Variants in ACTR1B observed in about 807,000 individuals in gnomAD.
ACTR1B encodes the protein actin related protein 1B.
Under a neutral mutation model 49.4 loss-of-function variants are expected in ACTR1B, and 34 were observed. The ratio of observed to expected loss-of-function variants is 0.69; its 90% CI spans 0.52 to 0.92. The LOEUF (loss-of-function observed/expected upper bound fraction) is 0.92, where lower values mean the gene tolerates loss of function less well. Among genes scored for constraint, ACTR1B ranks in the 40% least tolerant of loss-of-function variants. ACTR1B has a pLI of 0.00. For synonymous variants in ACTR1B, 207 were observed against 207.8 expected (o/e 1.00, Z 0.03); for missense variants, 471 against 522.4 (o/e 0.90, Z 0.96).
intron 8 of ACTR1B, among the ~76,000 whole-genome samples, 189 bp downstream of exon 8, chr2:97,657,754 C>T (rs1305541909): frequency 6.6e-6 from 1 of 152,216 alleles, no homozygotes; most frequent in East Asian, 1.9e-4. Flanking sequence ...CACTTTAGAG[C>T]TTGTGTAAAC....
Position 97,664,034 on chromosome 2 carries a change from C to A in ACTR1B, c.-144G>T, listed in dbSNP as rs534336795. The A allele has an allele frequency of 2.7e-4, 102 of 375,730 alleles. No individual in the cohort carries two copies. Among genetic ancestry groups the A allele is most frequent in the African/African-American group, 1.6e-3 (72 of 46,054 alleles). The allele number at this position is 375,730 out of a possible 1,614,324, so 23.3% of individuals were successfully genotyped here. A position where few individuals can be genotyped will look rare whatever the true frequency, so the allele number is the denominator to read the frequency against. ...GAGCCTGCAGCCTACGCGAGCCCCG[C>A]GGGGCTTTCTGGAGGGCGGGCCCGG... On this transcript the variant is annotated 5_prime_UTR_variant, in exon 1 of 11. Coordinates refer to ENST00000289228, the MANE Select transcript of ACTR1B (RefSeq NM_005735.4).
chr2:97,657,096 G>A, intron 10 of ACTR1B, 56 bp downstream of exon 10: 1 of 1,598,078 alleles, frequency 6.3e-7, no homozygotes, highest in Non-Finnish European at 8.5e-7. Flanking sequence ...ACAATGGGAG[G>A]AGCATCCAGG....
Position 97,658,553 on chromosome 2 carries a change from A to C in ACTR1B, c.531T>G (p.Pro177=). 1.2e-6 allele frequency: 2 copies of C among 1,614,074 alleles called. No homozygotes were observed. Among genetic ancestry groups the C allele is most frequent in the Non-Finnish European group, 1.7e-6 (2 of 1,180,014 alleles). The change falls in exon 6 of 11, where the codon CCT becomes CCG. Residue 177 remains proline (P), a synonymous_variant. Coordinates refer to ENST00000289228, the MANE Select transcript of ACTR1B (RefSeq NM_005735.4). This position sits in a 1 kb window ranked among gnomAD's most constrained non-coding sequence, Gnocchi z 5.9. The part of the protein sequence containing the change: ...AVPIYEGFAM[P]HSIMRVDIAG... ...CAATGTCCACCCGCATGATGGAGTGAGGCATGGCAAAGCCCTCATAGATGG... is the reference window on the plus strand; with the variant it reads ...CAATGTCCACCCGCATGATGGAGTGCGGCATGGCAAAGCCCTCATAGATGG...
Position 97,659,366 on chromosome 2 carries a change from T to C in ACTR1B, c.301A>G (p.Thr101Ala). The C allele has an allele frequency of 6.2e-7, 1 of 1,613,598 alleles. No individual in the cohort carries two copies. The highest frequency in any genetic ancestry group is 1.1e-5 in the South Asian group (1 of 91,034). The change falls in exon 4 of 11, where the codon ACC (threonine) becomes GCC (alanine). Residue 101 changes from threonine (T) to alanine (A), a missense_variant. Transcript: ENST00000289228. This position sits in a 1 kb window ranked among gnomAD's most constrained non-coding sequence, Gnocchi z 4.0. The part of the protein sequence containing the change: ...QYVYSKDQLQ[T>A]FSEEHPVLLT... ...AGCCGCCACACCTCCTCCGAGAAGGTCTGCAGCTGATCCTTGGAGTAGACG... is the reference window on the plus strand; with the variant it reads ...AGCCGCCACACCTCCTCCGAGAAGGCCTGCAGCTGATCCTTGGAGTAGACG...
At chr2:97,663,821 C>G (rs756240330) in intron 1 of ACTR1B, 22 bp downstream of exon 1, 2 of 1,383,034 alleles carry the variant, frequency 1.4e-6, no homozygotes, top group African/African-American at 1.5e-5. Context: ...CGCCCGCCCT[C>G]CCCCTGGCTG....
At position 97,660,581 on chromosome 2, in the gene ACTR1B, G is replaced by A. The variant is rs1172790836; in HGVS notation, c.179C>T (p.Pro60Leu). 2 of 1,614,104 alleles carry A rather than the reference G, an allele frequency of 1.2e-6. No individual in the cohort carries two copies. The highest frequency in any genetic ancestry group is 1.7e-5 in the Admixed American group (1 of 60,030). The change falls in exon 3 of 11, where the codon CCA becomes CTA. Residue 60 changes from proline (P) to leucine (L), a missense_variant. Physicochemically the swap from Pro to Leu is moderately conservative, Grantham distance 98. Transcript: ENST00000289228. ...GALEGDLFIG[P>L]KAEEHRGLLT... ...GCTCCTCGGTGTTACCTCTGCTTTT[G>A]GTCCGATGAAGAGGTCCCCCTCCAG...
Position 97,659,130 on chromosome 2 carries a change from A to G in ACTR1B, c.316-127T>C. The G allele has an allele frequency of 6.7e-7, 1 of 1,482,936 alleles. No individual in the cohort carries two copies. The highest frequency in any genetic ancestry group is 1.2e-5 in the South Asian group (1 of 80,936). The allele number at this position is 1,482,936 out of a possible 1,614,324, so 91.9% of individuals were successfully genotyped here. On this transcript the variant is annotated intron_variant, in intron 4 of 10. Transcript: ENST00000289228. The surrounding 1 kb of genome is among the most constrained non-coding windows in gnomAD (Gnocchi z 4.0). Reference sequence around the variant, plus strand: ...GCCTCCTACCCCTCCTGAGGGCCCCATCCCTTTATCTGCTGGCAGTTACTC... The same window carrying G: ...GCCTCCTACCCCTCCTGAGGGCCCCGTCCCTTTATCTGCTGGCAGTTACTC...
Position 97,658,970 on chromosome 2 carries a change from G to T in ACTR1B, c.349C>A (p.Pro117Thr). ...GCCGCCTTCTCCCGGTTCTTACTCG[G>T]GTTGAGCGGGGCCTCCGTGAGGAGC... ...PVLLTEAPLN[P>T]SKNREKAAEV... The change falls in exon 5 of 11, where the codon CCG becomes ACG. Residue 117 changes from proline to threonine, a missense_variant. Physicochemically the swap from Pro to Thr is conservative, Grantham distance 38. Coordinates refer to ENST00000289228, the MANE Select transcript of ACTR1B (RefSeq NM_005735.4). The surrounding 1 kb of genome is among the most constrained non-coding windows in gnomAD (Gnocchi z 5.9). The T allele has an allele frequency of 6.2e-7, 1 of 1,614,140 alleles. No individual in the cohort carries two copies. Among genetic ancestry groups the T allele is most frequent in the African/African-American group, 1.3e-5 (1 of 75,042 alleles).
At chr2:97,662,507 G>A (rs1675045928) in intron 1 of ACTR1B, among the ~76,000 whole-genome samples, 1 of 151,896 alleles carries the variant, frequency 6.6e-6, no homozygotes, top group Admixed American at 6.5e-5. Flanking sequence ...TGGGTGCATG[G>A]GATGACCGGC....
In ACTR1B at chr2:97,657,213, C is replaced by T. The variant is rs147281131; in HGVS notation, c.988-21G>A. 7.6e-4 allele frequency: 1,226 copies of T among 1,611,142 alleles called. 17 individuals are homozygous for T. In the East Asian group the frequency reaches 0.022, roughly 28 times the overall value. On this transcript the variant is annotated intron_variant, in intron 9 of 10. Transcript: ENST00000289228. Reference sequence around the variant, plus strand: ...GAGATCTAGAAGGAGGAAGTGGCCACGTTAACTGTGGATCCCCACCCAGAA... The same window carrying T: ...GAGATCTAGAAGGAGGAAGTGGCCATGTTAACTGTGGATCCCCACCCAGAA...
In ACTR1B at chr2:97,658,073, C is replaced by T. The variant is rs765672091; in HGVS notation, c.795G>A (p.Pro265=). Residue 265 remains proline, a synonymous_variant, in exon 8 of 11, where the codon CCG becomes CCA. Coordinates refer to ENST00000289228, the MANE Select transcript of ACTR1B (RefSeq NM_005735.4). This position sits in a 1 kb window ranked among gnomAD's most constrained non-coding sequence, Gnocchi z 5.9. ...RFRAPELLFQ[P]DLVGDESEGL... is the part of the protein sequence containing the mutation. ...CCTCACTCTCATCCCCGACAAGGTC[C>T]GGCTGGAACAGCAGCTCGGGGGCCC... 12 of 1,614,000 alleles carry T rather than the reference C, an allele frequency of 7.4e-6. No individual in the cohort carries two copies. The highest frequency in any genetic ancestry group is 5.3e-5 in the African/African-American group (4 of 74,936).
intron 8 of ACTR1B, 138 bp from the exon 9 acceptor site, chr2:97,657,647 G>A: frequency 1.0e-6 from 1 of 989,562 alleles, no homozygotes; most frequent in South Asian, 1.4e-5. Context: ...GCAAGGCTGA[G>A]AAATGATCCA....
rs1303708098 is a variant in ACTR1B at position 97,659,217 on chromosome 2, C to T, written c.315+135G>A. 2 of 1,464,172 alleles carry T rather than the reference C, an allele frequency of 1.4e-6. No individual in the cohort carries two copies. The highest frequency in any genetic ancestry group is 1.9e-6 in the Non-Finnish European group (2 of 1,075,832). The allele number at this position is 1,464,172 out of a possible 1,614,324, so 90.7% of individuals were successfully genotyped here. ...AGCAGCCACTGGGTACGTATGCGCA[C>T]CCAGACACACACGGAAAGGCAGCAG... is the stretch of plus-strand genomic sequence containing the variant. On this transcript the variant is annotated intron_variant, in intron 4 of 10. Transcript: ENST00000289228. This position sits in a 1 kb window ranked among gnomAD's most constrained non-coding sequence, Gnocchi z 4.0.
intron 2 of ACTR1B, 56 bp downstream of exon 2, chr2:97,661,826 A>G (rs992573107): frequency 5.2e-6 from 8 of 1,529,918 alleles, no homozygotes; most frequent in African/African-American, 1.4e-5. Context: ...CAGAAGGCCA[A>G]TGTTCTTACA....
At position 97,664,017 on chromosome 2, in the gene ACTR1B, A is replaced by G; in HGVS notation, c.-127T>C. 2.3e-6 allele frequency: 1 copy of G among 429,880 alleles called. No homozygotes were observed. The highest frequency in any genetic ancestry group is 5.1e-5 in the East Asian group (1 of 19,680). The allele number at this position is 429,880 out of a possible 1,614,324, so 26.6% of individuals were successfully genotyped here. On this transcript the variant is annotated 5_prime_UTR_variant, in exon 1 of 11. Transcript: ENST00000289228. ...CGCTGCCCTCCCTCCCCGAGCCTGC[A>G]GCCTACGCGAGCCCCGCGGGGCTTT... is the stretch of plus-strand genomic sequence containing the variant.
At chr2:97,663,753 G>A (rs1368978705) in intron 1 of ACTR1B, 90 bp downstream of exon 1, 43 of 813,396 alleles carry the variant, frequency 5.3e-5, no homozygotes, top group Non-Finnish European at 6.6e-5. Flanking sequence ...AGCGGAGGAC[G>A]CGCCGAGGCG....
Position 97,659,550 on chromosome 2 carries a change from AC to A in ACTR1B, c.190-74del, listed in dbSNP as rs2104502539. ...CTGCTTTCCGCCCTCCTGGAAGCTGACCCTCACCTGCCCTGACCAGAACCTC... is the reference window on the plus strand; with the variant it reads ...CTGCTTTCCGCCCTCCTGGAAGCTGACCTCACCTGCCCTGACCAGAACCTC... On this transcript the variant is annotated intron_variant, in intron 3 of 10. Transcript: ENST00000289228. This position sits in a 1 kb window ranked among gnomAD's most constrained non-coding sequence, Gnocchi z 4.0. The A allele has an allele frequency of 6.3e-7, 1 of 1,577,988 alleles. No homozygotes were observed. Among genetic ancestry groups the A allele is most frequent in the East Asian group, 2.2e-5 (1 of 44,664 alleles).
At chr2:97,663,167 G>A (rs951333703) in intron 1 of ACTR1B, among the ~76,000 whole-genome samples, 1 of 152,206 alleles carries the variant, frequency 6.6e-6, no homozygotes. Context: ...ACTGCTGAAG[G>A]ACAAAGCCAC....
rs780871635 is a variant in ACTR1B at position 97,660,595 on chromosome 2, G to T, written c.165C>A (p.Asp55Glu). Residue 55 changes from aspartate (D) to glutamate (E), a missense_variant, in exon 3 of 11, where the codon GAC becomes GAA. Transcript: ENST00000289228. ...CCTCTGCTTTTGGTCCGATGAAGAG[G>T]TCCCCCTCCAGGGCTCCAGCCATCA... The part of the protein sequence containing the change: ...MRVMAGALEG[D>E]LFIGPKAEEH... 5.0e-6 allele frequency: 8 copies of T among 1,613,952 alleles called. No individual in the cohort carries two copies. The highest frequency in any genetic ancestry group is 2.7e-5 in the African/African-American group (2 of 74,924).
Sources: allele counts gnomAD v4.1 joint callset (sites outside exome capture counted in the v4.1 genomes callset), GRCh38; gene constraint gnomAD v4.1.1; non-coding constraint Gnocchi (gnomAD v3.1); transcripts MANE v1.5; gene names NCBI Gene and HGNC (gene_info 2026-07-23, HGNC 2026-07-21).